CCDC91: variants seen among roughly 807,000 people sequenced by gnomAD.
The protein encoded by CCDC91 is coiled-coil domain containing 91, also known as coiled-coil domain-containing protein 91.
CCDC91 carries 48 observed loss-of-function variants against 63.2 expected under a neutral mutation model. The observed-to-expected ratio is 0.76, with a 90% CI of 0.60 to 0.97. The LOEUF (loss-of-function observed/expected upper bound fraction) is 0.97, where lower values mean the gene tolerates loss of function less well. Among genes scored for constraint, CCDC91 ranks in the 50% least tolerant of loss-of-function variants. The probability of loss-of-function intolerance (pLI) is 0.00; values close to 1 mark genes in which losing one functional copy is unlikely to be tolerated. For missense variants in CCDC91, 500 were observed against 494.6 expected (o/e 1.01, Z -0.10); for synonymous variants, 167 against 165.8 (o/e 1.01, Z -0.06).
At chr12:28,278,230 C>G (rs962385988) in intron 3 of CCDC91, among the ~76,000 whole-genome samples, 1 of 152,018 alleles carries the variant, frequency 6.6e-6, no homozygotes, top group African/African-American at 2.4e-5. Context: ...CATTGTCAGT[C>G]ATGACACTGC....
intron 6 of CCDC91, among the ~76,000 whole-genome samples, chr12:28,325,680 A>C (rs1218433879): frequency 1.3e-5 from 2 of 151,990 alleles, no homozygotes; most frequent in East Asian, 1.9e-4. Context: ...GATTTTAGGC[A>C]TAAGAAACAG....
At chr12:28,211,788 A>G (rs1943250524) in intron 1 of CCDC91, among the ~76,000 whole-genome samples, 1 of 151,610 alleles carries the variant, frequency 6.6e-6, no homozygotes, top group Admixed American at 6.6e-5. Flanking sequence ...ACCTAAGCAC[A>G]CCAGAAAAAT....
At chr12:28,284,167 AAAG>A (rs1051320326) in intron 3 of CCDC91, among the ~76,000 whole-genome samples, 17 of 152,128 alleles carry the variant, frequency 1.1e-4, no homozygotes, top group African/African-American at 3.9e-4. Context: ...GTATTGGAAA[AAAG>A]GAGTTTTCTA....
intron 8 of CCDC91, among the ~76,000 whole-genome samples, chr12:28,417,673 C>T (rs967398959): frequency 2.0e-5 from 3 of 151,014 alleles, no homozygotes; most frequent in Non-Finnish European, 4.4e-5. Context: ...ATGATTACCA[C>T]AGTCAAACTA....
chr12:28,296,381 A>G (rs1949564815), intron 3 of CCDC91, among the ~76,000 whole-genome samples: 1 of 151,912 alleles, frequency 6.6e-6, no homozygotes, highest in African/African-American at 2.4e-5. Flanking sequence ...GTTATTCCTC[A>G]AAGAAGCGAG....
chr12:28,439,277 A>C (rs1181565530), intron 8 of CCDC91, among the ~76,000 whole-genome samples: 1 of 152,138 alleles, frequency 6.6e-6, no homozygotes, highest in Non-Finnish European at 1.5e-5. Context: ...CAGTTTATCT[A>C]TGTTAGGTTT....
intron 3 of CCDC91, among the ~76,000 whole-genome samples, chr12:28,274,539 C>G (rs570863601): frequency 6.6e-6 from 1 of 152,180 alleles, no homozygotes; most frequent in Non-Finnish European, 1.5e-5. Flanking sequence ...TGTAGCTCTC[C>G]TTGAAGAGGT....
intron 12 of CCDC91, among the ~76,000 whole-genome samples, chr12:28,535,116 G>A (rs1942044993): frequency 6.6e-6 from 1 of 152,140 alleles, no homozygotes; most frequent in Non-Finnish European, 1.5e-5. Context: ...TAGATTTGCT[G>A]TTTGGCATGC....
chr12:28,249,943 T>C (rs1359310352), intron 1 of CCDC91, among the ~76,000 whole-genome samples: 3 of 152,118 alleles, frequency 2.0e-5, no homozygotes, highest in Non-Finnish European at 2.9e-5. Context: ...TGTAAAAATG[T>C]TCATTTTTTG....
intron 1 of CCDC91, among the ~76,000 whole-genome samples, chr12:28,201,340 C>T (rs879977444): frequency 2.0e-5 from 3 of 146,476 alleles, no homozygotes; most frequent in Non-Finnish European, 1.5e-5. Context: ...CGCTCCTCAC[C>T]TCCCAGACGG....
intron 12 of CCDC91, among the ~76,000 whole-genome samples, chr12:28,501,304 T>C (rs1287714366): frequency 1.3e-5 from 2 of 151,852 alleles, no homozygotes; most frequent in Non-Finnish European, 2.9e-5. Flanking sequence ...AGGGAATGCT[T>C]CCAGTTTTTG....
chr12:28,395,695 A>C (rs1273566520), intron 8 of CCDC91, among the ~76,000 whole-genome samples: 6 of 152,188 alleles, frequency 3.9e-5, no homozygotes, highest in African/African-American at 1.4e-4. Flanking sequence ...CTTCGAGATC[A>C]GCATGGGGGC....
At chr12:28,220,742 T>C (rs892081622) in intron 1 of CCDC91, among the ~76,000 whole-genome samples, 7 of 147,128 alleles carry the variant, frequency 4.8e-5, no homozygotes. Flanking sequence ...TTTTCCTCTT[T>C]AAGTTGAAAG....
At chr12:28,345,511 C>T (rs916420531) in intron 6 of CCDC91, among the ~76,000 whole-genome samples, 5 of 151,924 alleles carry the variant, frequency 3.3e-5, no homozygotes, top group Non-Finnish European at 5.9e-5. Flanking sequence ...GCTATTTATT[C>T]ACTTACTATC....
chr12:28,393,658 G>T (rs1287980794), intron 8 of CCDC91, among the ~76,000 whole-genome samples: 1 of 152,178 alleles, frequency 6.6e-6, no homozygotes, highest in African/African-American at 2.4e-5. Context: ...ACTACTTGCT[G>T]CAAGGCCAAA....
At chr12:28,493,642 A>G (rs1952128774) in intron 12 of CCDC91, among the ~76,000 whole-genome samples, 1 of 151,776 alleles carries the variant, frequency 6.6e-6, no homozygotes, top group Admixed American at 6.6e-5. Context: ...TCTAACATCA[A>G]TATATTCCCA....
chr12:28,191,037 T>C (rs560830800), intron 1 of CCDC91, among the ~76,000 whole-genome samples: 10 of 152,354 alleles, frequency 6.6e-5, no homozygotes, highest in Non-Finnish European at 1.5e-4. Flanking sequence ...CCTTTTACTT[T>C]GCCAAGTACA....
intron 12 of CCDC91, among the ~76,000 whole-genome samples, chr12:28,499,360 T>TATC (rs904126637): frequency 3.5e-5 from 5 of 141,736 alleles, no homozygotes; most frequent in Non-Finnish European, 6.4e-5. Context: ...TCACTTTTAT[T>TATC]ATTATTATTA....
At chr12:28,432,693 G>GT (rs2140103650) in intron 8 of CCDC91, among the ~76,000 whole-genome samples, 2 of 152,248 alleles carry the variant, frequency 1.3e-5, no homozygotes, top group South Asian at 4.1e-4. Context: ...CCATGTGCAT[G>GT]TTTTTTGTGG....
Sources: gnomAD v4.1 joint callset for allele counts (sites outside exome capture counted in the v4.1 genomes callset) on GRCh38, gnomAD v4.1.1 for gene constraint, MANE v1.5 for transcripts, NCBI Gene and HGNC (gene_info 2026-07-23, HGNC 2026-07-21) for gene names.